Variants in FAM120A observed in about 807,000 individuals in gnomAD.
The protein encoded by FAM120A is constitutive coactivator of PPAR-gamma-like protein 1.
A neutral mutation model predicts 109.7 loss-of-function variants in FAM120A; 15 were observed. The observed-to-expected ratio is 0.14, with a 90% CI of 0.09 to 0.21. FAM120A has a LOEUF of 0.21. Ranked by LOEUF, FAM120A falls within the 10% of genes least tolerant of loss-of-function variation. The probability of loss-of-function intolerance (pLI) is 1.00; values close to 1 mark genes in which losing one functional copy is unlikely to be tolerated. For synonymous variants in FAM120A, 493 were observed against 572.8 expected, an observed-to-expected ratio of 0.86 and a Z score of 1.99; for missense variants, 899 against 1,439.3, an observed-to-expected ratio of 0.62 and a Z score of 6.07.
intron 3 of FAM120A, among the ~76,000 whole-genome samples, chr9:93,479,776 T>C (rs1858716832): frequency 6.6e-6 from 1 of 152,236 alleles, no homozygotes; most frequent in Non-Finnish European, 1.5e-5. Context: ...TTTCACTACA[T>C]GCATTCATTC....
intron 7 of FAM120A, among the ~76,000 whole-genome samples, chr9:93,524,863 C>T (rs576928777): frequency 3.3e-5 from 5 of 152,088 alleles, no homozygotes; most frequent in Admixed American, 6.5e-5. Flanking sequence ...TCCCTGTGGC[C>T]GGTGCCTGTC....
At chr9:93,531,276 T>C (rs1178212992) in intron 9 of FAM120A, 1 of 152,218 alleles carries the variant, frequency 6.6e-6, no homozygotes, top group Non-Finnish European at 1.5e-5. Flanking sequence ...ATTAAACTTA[T>C]GTGAATGAAA....
At position 93,477,893 on chromosome 9, in the gene FAM120A, T is replaced by G. The variant is rs528790463; in HGVS notation, c.804+1555T>G. On this transcript the variant is annotated intron_variant, in intron 3 of 17. Coordinates refer to ENST00000277165, the MANE Select transcript of FAM120A (RefSeq NM_014612.5). The stretch of plus-strand genomic sequence containing the variant: ...TTCCTAAATTTTGTTGAGAAAATCT[T>G]TAAGTATTGAAATGTGGAAAGAATA... Among the ~76,000 whole-genome samples, 11 of 152,356 alleles carry G rather than the reference T, an allele frequency of 7.2e-5. No homozygotes were observed. In the South Asian group the frequency reaches 2.3e-3, roughly 32 times the overall value.
chr9:93,556,448 T>G lies in FAM120A; in HGVS notation c.2341T>G (p.Leu781Val). Residue 781 changes from leucine (L) to valine (V), a missense_variant, in exon 13 of 18, where the codon TTG (leucine) becomes GTG (valine). Physicochemically the swap from Leu to Val is conservative, Grantham distance 32. Around this residue, in one of 11 missense-constraint regions of FAM120A, gnomAD observed 31 missense variants for 73.0 expected, o/e 0.42. Coordinates refer to ENST00000277165, the MANE Select transcript of FAM120A (RefSeq NM_014612.5). ...ALFMSGVDMA[L>V]FANDACGQPI... is the part of the protein sequence containing the mutation. ...CTTCATGAGTGGAGTAGACATGGCCTTGTTTGCAAATGATGCATGCGGACA... is the reference window on the plus strand; with the variant it reads ...CTTCATGAGTGGAGTAGACATGGCCGTGTTTGCAAATGATGCATGCGGACA... 2 of 1,614,232 alleles carry G rather than the reference T, an allele frequency of 1.2e-6. No individual in the cohort carries two copies. Among genetic ancestry groups the G allele is most frequent in the Non-Finnish European group, 1.7e-6 (2 of 1,180,040 alleles).
chr9:93,452,437 C>G lies in FAM120A; in HGVS notation c.474+48C>G. 4 of 1,562,962 alleles carry G rather than the reference C, an allele frequency of 2.6e-6. No individual in the cohort carries two copies. Among genetic ancestry groups the G allele is most frequent in the East Asian group, 2.4e-5 (1 of 42,214 alleles). The stretch of plus-strand genomic sequence containing the variant: ...GCCGGGGACCGGGGCCGCGCCGCAC[C>G]CCTATCCCCCTTCCCAGGGCGCAGA... On this transcript the variant is annotated intron_variant, in intron 1 of 17. Coordinates refer to ENST00000277165, the MANE Select transcript of FAM120A (RefSeq NM_014612.5). The surrounding 1 kb of genome is among the most constrained non-coding windows in gnomAD (Gnocchi z 7.0).
intron 7 of FAM120A, among the ~76,000 whole-genome samples, chr9:93,524,145 G>C (rs1386992851): frequency 1.3e-5 from 2 of 152,256 alleles, no homozygotes; most frequent in Admixed American, 1.3e-4. Flanking sequence ...ACACATGCCA[G>C]ATAGTTCTGC....
At chr9:93,513,649 C>A (rs1029979985) in intron 5 of FAM120A, among the ~76,000 whole-genome samples, 1 of 152,146 alleles carries the variant, frequency 6.6e-6, no homozygotes, top group Non-Finnish European at 1.5e-5. Context: ...TTAAAGCTTG[C>A]GAGCTGAAGG....
At chr9:93,495,530 A>G (rs986256824) in intron 3 of FAM120A, among the ~76,000 whole-genome samples, 1 of 152,218 alleles carries the variant, frequency 6.6e-6, no homozygotes, top group African/African-American at 2.4e-5. Context: ...AGTCATGTCA[A>G]TTTTAGGTTT....
chr9:93,521,488 G>A (rs1028525682), intron 7 of FAM120A, among the ~76,000 whole-genome samples: 3 of 151,774 alleles, frequency 2.0e-5, no homozygotes, highest in Admixed American at 1.3e-4. Context: ...TGGCTAAGAC[G>A]GAAGGATCAC....
In FAM120A at chr9:93,556,543, C is replaced by T. The variant is rs1186905003; in HGVS notation, c.2436C>T (p.Leu812=). The change falls in exon 13 of 18, where the codon CTC becomes CTT. Residue 812 remains leucine (L), a synonymous_variant. Transcript: ENST00000277165. The part of the protein sequence containing the change: ...FDGKLFQSKL[L]KASREKTPLI... Reference sequence around the variant, plus strand: ...GGAAGCTCTTCCAATCCAAACTCCTCAAAGCCAGCCGGGAAAAGACCCCAC... The same window carrying T: ...GGAAGCTCTTCCAATCCAAACTCCTTAAAGCCAGCCGGGAAAAGACCCCAC... 1 of 1,614,226 alleles carries T rather than the reference C, an allele frequency of 6.2e-7. No individual in the cohort carries two copies. The highest frequency in any genetic ancestry group is 2.2e-5 in the East Asian group (1 of 44,888).
At chr9:93,503,547 A>T (rs1859896730) in intron 5 of FAM120A, among the ~76,000 whole-genome samples, 1 of 152,196 alleles carries the variant, frequency 6.6e-6, no homozygotes, top group Admixed American at 6.5e-5. Flanking sequence ...TGGAGGCAGG[A>T]AAAAGATCAA....
At chr9:93,536,755 C>G (rs1239640919) in intron 10 of FAM120A, among the ~76,000 whole-genome samples, 1 of 152,098 alleles carries the variant, frequency 6.6e-6, no homozygotes, top group Non-Finnish European at 1.5e-5. Flanking sequence ...TGCTCCTGAA[C>G]TAGGTGATAG....
Position 93,562,217 on chromosome 9 carries a change from A to G in FAM120A, c.2958A>G (p.Arg986=). Residue 986 remains arginine (R), a synonymous_variant, in exon 17 of 18, where the codon AGA becomes AGG. Coordinates refer to ENST00000277165, the MANE Select transcript of FAM120A (RefSeq NM_014612.5). ...SVGGPARGRP[R]GVISTPVIRT... ...TTTTTCATTCATTTAGGCGTCCAAG[A>G]GGAGTTATTTCCACCCCAGTGATTA... is the stretch of plus-strand genomic sequence containing the variant. 1 of 1,613,902 alleles carries G rather than the reference A, an allele frequency of 6.2e-7. No individual in the cohort carries two copies. Among genetic ancestry groups the G allele is most frequent in the Non-Finnish European group, 8.5e-7 (1 of 1,179,764 alleles).
At position 93,527,224 on chromosome 9, in the gene FAM120A, C is replaced by T; in HGVS notation, c.1488C>T (p.Asp496=). The T allele has an allele frequency of 6.2e-7, 1 of 1,613,984 alleles. No individual in the cohort carries two copies. The change falls in exon 8 of 18, where the codon GAC becomes GAT. Residue 496 remains aspartate, a synonymous_variant. Coordinates refer to ENST00000277165, the MANE Select transcript of FAM120A (RefSeq NM_014612.5). ...GSHSEPQARG[D]PGDQTKAEGS... ...ACTCAGAGCCTCAGGCACGAGGAGA[C>T]CCAGGAGACCAAACAAAGGTAGAAA...
Position 93,527,202 on chromosome 9 carries a change from C to T in FAM120A, c.1466C>T (p.Ser489Leu), listed in dbSNP as rs1400321573. Residue 489 changes from serine (S) to leucine (L), a missense_variant, in exon 8 of 18, where the codon TCA becomes TTA. By Grantham distance (145) the Ser-to-Leu change is moderately radical. Coordinates refer to ENST00000277165, the MANE Select transcript of FAM120A (RefSeq NM_014612.5). ...GGCTGGGAGAAGACGGGAAGCCACT[C>T]AGAGCCTCAGGCACGAGGAGACCCA... is the stretch of plus-strand genomic sequence containing the variant. ...KIGWEKTGSH[S>L]EPQARGDPGD... 6.2e-7 allele frequency: 1 copy of T among 1,614,136 alleles called. No individual in the cohort carries two copies. The highest frequency in any genetic ancestry group is 8.5e-7 in the Non-Finnish European group (1 of 1,179,996).
rs763000336 is a variant in FAM120A, at chr9:93,562,183, C to G, written c.2949-25C>G. ...TGTCTGTAACAGATTTAAGTGTTTA[C>G]TGTTGTCCTTTTTCATTCATTTAGG... is the stretch of plus-strand genomic sequence containing the variant. On this transcript the variant is annotated intron_variant, in intron 16 of 17. Coordinates refer to ENST00000277165, the MANE Select transcript of FAM120A (RefSeq NM_014612.5). The G allele has an allele frequency of 1.3e-5, 20 of 1,554,098 alleles. No homozygotes were observed. The South Asian group carries it at 2.1e-4, about 16-fold the overall frequency.
intron 1 of FAM120A, among the ~76,000 whole-genome samples, chr9:93,462,880 TCAATAA>T (rs1271162923): frequency 5.3e-5 from 8 of 152,370 alleles, no homozygotes; most frequent in African/African-American, 1.9e-4. Context: ...TCCTTAAGGC[TCAATAA>T]CATTCTGTTG....
Position 93,562,208 on chromosome 9 carries a change from G to C in FAM120A, c.2949G>C (p.Gly983=). 1 of 1,612,384 alleles carries C rather than the reference G, an allele frequency of 6.2e-7. No individual in the cohort carries two copies. Among genetic ancestry groups the C allele is most frequent in the South Asian group, 1.1e-5 (1 of 91,042 alleles). Residue 983 remains glycine (G), a splice_region_variant and synonymous_variant, in exon 17 of 18, where the codon GGG becomes GGC. Coordinates refer to ENST00000277165, the MANE Select transcript of FAM120A (RefSeq NM_014612.5). The stretch of plus-strand genomic sequence containing the variant: ...CTGTTGTCCTTTTTCATTCATTTAG[G>C]CGTCCAAGAGGAGTTATTTCCACCC... The part of the protein sequence containing the change: ...QVVSVGGPAR[G]RPRGVISTPV...
intron 1 of FAM120A, among the ~76,000 whole-genome samples, chr9:93,467,530 G>A (rs963488019): frequency 6.6e-6 from 1 of 151,526 alleles, no homozygotes; most frequent in Non-Finnish European, 1.5e-5. Context: ...CCCTCCCCCC[G>A]ACCCTCTTTA....
Sources: allele counts gnomAD v4.1 joint callset (sites outside exome capture counted in the v4.1 genomes callset), GRCh38; gene constraint gnomAD v4.1.1; regional missense constraint gnomAD v4.1.1; non-coding constraint Gnocchi (gnomAD v3.1); transcripts MANE v1.5; gene names NCBI Gene and HGNC (gene_info 2026-07-23, HGNC 2026-07-21).